The following SOX6 variants were observed in gnomAD, a reference collection of about 807,000 sequenced individuals.
SOX6 encodes SRY-box transcription factor 6.
A neutral mutation model predicts 97.8 loss-of-function variants in SOX6; 11 were observed. The ratio of observed to expected loss-of-function variants is 0.11; its 90% CI spans 0.07 to 0.19. The LOEUF (loss-of-function observed/expected upper bound fraction) is 0.19. SOX6 is among the 10% of genes least tolerant of loss of function. SOX6 has a pLI of 1.00. For synonymous variants in SOX6, 360 were observed against 371.4 expected (o/e 0.97, Z 0.35); for missense variants, 810 against 1,039.5 (o/e 0.78, Z 3.04).
rs561662549 is a variant in SOX6 at position 16,014,879 on chromosome 11, A to G, written c.1732+63T>C. 68 of 1,451,668 alleles carry G rather than the reference A, an allele frequency of 4.7e-5. No homozygotes were observed. In the South Asian group the frequency reaches 6.5e-4, roughly 14 times the overall value. 89.9% of individuals were successfully genotyped at this position (1,451,668 alleles called of 1,614,324 possible). ...GAAAAACTATAAAGATCCTATATCT[A>G]GCTCAGACACACATTTGGAAACACA... On this transcript the variant is annotated intron_variant, in intron 13 of 15. Transcript: ENST00000683767.
rs1476503637 is a variant in SOX6, at chr11:16,605,264, C to T, written n.609+6817G>A. Among the ~76,000 whole-genome samples the T allele has an allele frequency of 6.6e-6, 1 of 152,074 alleles. No individual in the cohort carries two copies. The highest frequency in any genetic ancestry group is 1.5e-5 in the Non-Finnish European group (1 of 67,992). ...GGCGGGGAAGAAACGTGCCGGCGAC[C>T]GTGCGCTCGGCCGGGTGACTCCCTG... is the stretch of plus-strand genomic sequence containing the variant. On this transcript the variant is annotated intron_variant and non_coding_transcript_variant, in intron 4 of 5. Coordinates refer to the SOX6 transcript ENST00000524520. This position sits in a 1 kb window ranked among gnomAD's most constrained non-coding sequence, Gnocchi z 5.3.
chr11:16,701,564 T>A (rs1040277796), intron 3 of SOX6, among the ~76,000 whole-genome samples: 2 of 152,060 alleles, frequency 1.3e-5, no homozygotes, highest in African/African-American at 4.8e-5. Flanking sequence ...CTTCACCTCC[T>A]AATTCCACTA....
At chr11:16,596,616 A>AT (rs1452950626) in intron 4 of SOX6, among the ~76,000 whole-genome samples, 1 of 152,222 alleles carries the variant, frequency 6.6e-6, no homozygotes, top group Non-Finnish European at 1.5e-5. Flanking sequence ...GCTGTTATAC[A>AT]TAACGCCATG....
intron 4 of SOX6, among the ~76,000 whole-genome samples, chr11:16,555,592 C>T (rs538632822): frequency 1.5e-3 from 229 of 151,508 alleles, no homozygotes; most frequent in African/African-American, 5.1e-3. Flanking sequence ...CTTGCTATTT[C>T]GAAATATACA....
intron 3 of SOX6, among the ~76,000 whole-genome samples, chr11:16,266,402 G>A (rs1183708662): frequency 5.3e-5 from 8 of 151,550 alleles, no homozygotes; most frequent in African/African-American, 1.9e-4. Context: ...ATCACCAGCA[G>A]ATCTGGACTG....
At chr11:16,698,819 A>G (rs1178406321) in intron 3 of SOX6, among the ~76,000 whole-genome samples, 1 of 152,242 alleles carries the variant, frequency 6.6e-6, no homozygotes, top group Admixed American at 6.5e-5. Context: ...ACTCTTATCA[A>G]TTAGGTTCAT....
chr11:16,463,750 A>C (rs1859977260), intron 1 of SOX6, among the ~76,000 whole-genome samples: 1 of 152,210 alleles, frequency 6.6e-6, no homozygotes. Flanking sequence ...AGATATTTCA[A>C]ATTGCTTCAC....
intron 15 of SOX6, among the ~76,000 whole-genome samples, chr11:15,976,171 A>G (rs1468964897): frequency 6.6e-6 from 1 of 152,166 alleles, no homozygotes; most frequent in Non-Finnish European, 1.5e-5. Context: ...GAGGTTGTAC[A>G]TAAATGCTAG....
chr11:16,183,405 C>T (rs576130771), intron 6 of SOX6, among the ~76,000 whole-genome samples: 1 of 152,060 alleles, frequency 6.6e-6, no homozygotes, highest in African/African-American at 2.4e-5. Context: ...TCTCTCTATT[C>T]CCTTTAGCAT....
intron 3 of SOX6, chr11:16,311,520 T>C (rs2134290197): frequency 6.6e-6 from 1 of 152,300 alleles, no homozygotes; most frequent in African/African-American, 2.4e-5. Flanking sequence ...AATGCTTTAG[T>C]TGCCTTAACT....
intron 4 of SOX6, among the ~76,000 whole-genome samples, chr11:16,569,083 G>A (rs900659912): frequency 2.0e-4 from 31 of 152,116 alleles, no homozygotes; most frequent in African/African-American, 7.0e-4. Flanking sequence ...ATTATCTTTC[G>A]CATCTTGAGT....
intron 6 of SOX6, among the ~76,000 whole-genome samples, chr11:16,162,287 A>G (rs1005874945): frequency 5.3e-5 from 8 of 152,220 alleles, no homozygotes; most frequent in Admixed American, 3.9e-4. Flanking sequence ...AAAGTCCGAT[A>G]TTACAAAACC....
intron 4 of SOX6, among the ~76,000 whole-genome samples, chr11:16,545,344 C>CCCA (rs1565176945): frequency 3.3e-5 from 4 of 121,214 alleles, no homozygotes; most frequent in Admixed American, 8.4e-5. Flanking sequence ...AGTCCAAGCC[C>CCCA]AAAAAAAAAA....
At chr11:16,709,564 G>C (rs1490205453) in intron 3 of SOX6, among the ~76,000 whole-genome samples, 3 of 152,092 alleles carry the variant, frequency 2.0e-5, no homozygotes, top group Non-Finnish European at 4.4e-5. Flanking sequence ...CACCATGTGA[G>C]AAGTCTGTTC....
intron 1 of SOX6, among the ~76,000 whole-genome samples, chr11:16,377,846 G>A (rs531463780): frequency 1.1e-4 from 17 of 152,088 alleles, no homozygotes; most frequent in Non-Finnish European, 1.0e-4. Flanking sequence ...TATTAATTTC[G>A]AACTCATTAG....
At chr11:16,113,846 G>C (rs1254848495) in intron 6 of SOX6, among the ~76,000 whole-genome samples, 1 of 152,170 alleles carries the variant, frequency 6.6e-6, no homozygotes, top group Non-Finnish European at 1.5e-5. Flanking sequence ...AGAGATAAAA[G>C]AGGTAAGGTT....
At chr11:16,185,495 G>A (rs528182257) in intron 5 of SOX6, among the ~76,000 whole-genome samples, 70 of 152,248 alleles carry the variant, frequency 4.6e-4, no homozygotes, top group African/African-American at 1.6e-3. Flanking sequence ...CACTCTAGAC[G>A]TATGGGTTTG....
intron 1 of SOX6, among the ~76,000 whole-genome samples, chr11:16,404,703 C>T (rs534872274): frequency 1.3e-5 from 2 of 152,002 alleles, no homozygotes; most frequent in Admixed American, 1.3e-4. Context: ...AAAAGACACA[C>T]CCCAAGCCGT....
At chr11:16,599,809 T>G (rs1347246130) in intron 4 of SOX6, among the ~76,000 whole-genome samples, 1 of 152,152 alleles carries the variant, frequency 6.6e-6, no homozygotes, top group Non-Finnish European at 1.5e-5. Flanking sequence ...ATAACTCACA[T>G]CTTTCCTAAA....
Sources: gnomAD v4.1 joint callset for allele counts (sites outside exome capture counted in the v4.1 genomes callset) on GRCh38, gnomAD v4.1.1 for gene constraint, Gnocchi (gnomAD v3.1) non-coding constraint, MANE v1.5 for transcripts, NCBI Gene and HGNC (gene_info 2026-07-23, HGNC 2026-07-21) for gene names.